Variants in IKZF1 observed in about 807,000 individuals in gnomAD.
IKZF1 encodes DNA-binding protein Ikaros.
In IKZF1, 10 loss-of-function variants were observed where a neutral mutation model predicts 51.7. The observed-to-expected ratio is 0.19, with a 90% CI of 0.12 to 0.33. IKZF1 has a LOEUF of 0.33. Among genes scored for constraint, IKZF1 ranks in the 10% least tolerant of loss-of-function variants. The probability of loss-of-function intolerance (pLI) is 1.00; values close to 1 mark genes in which losing one functional copy is unlikely to be tolerated. For missense variants in IKZF1, 484 were observed against 707.5 expected, an observed-to-expected ratio of 0.68 and a Z score of 3.58; for synonymous variants, 280 against 282.3, an observed-to-expected ratio of 0.99 and a Z score of 0.08.
intron 3 of IKZF1, among the ~76,000 whole-genome samples, chr7:50,338,727 G>C (rs1208740148): frequency 1.3e-5 from 2 of 152,238 alleles, no homozygotes; most frequent in African/African-American, 2.4e-5. Context: ...CTCTTGCTCT[G>C]GGGGAGTGGG....
chr7:50,320,427 T>C (rs1381952120), intron 2 of IKZF1, among the ~76,000 whole-genome samples: 1 of 152,226 alleles, frequency 6.6e-6, no homozygotes, highest in African/African-American at 2.4e-5. Context: ...TTATCGTTTC[T>C]TTGTATTAGG....
In IKZF1 at chr7:50,399,916, A is replaced by G; in HGVS notation, c.851-2A>G. 6.2e-7 allele frequency: 1 copy of G among 1,608,080 alleles called. No individual in the cohort carries two copies. Among genetic ancestry groups the G allele is most frequent in the Non-Finnish European group, 8.5e-7 (1 of 1,178,258 alleles). On this transcript the variant is annotated splice_acceptor_variant, in intron 7 of 7. Transcript: ENST00000331340. LOFTEE classifies it high-confidence loss of function. ...CCACTCACTGTCGCCTGCTTTCCACAGGGGACAAGGGCCTGTCCGACACGC... is the reference window on the plus strand; with the variant it reads ...CCACTCACTGTCGCCTGCTTTCCACGGGGGACAAGGGCCTGTCCGACACGC...
rs948480054 is a variant in IKZF1, at chr7:50,320,562, C to T, written c.40+1461C>T. On this transcript the variant is annotated intron_variant, in intron 2 of 7. Coordinates refer to ENST00000331340, the MANE Select transcript of IKZF1 (RefSeq NM_006060.6). The stretch of plus-strand genomic sequence containing the variant: ...CTAGCTGTAATTTTGTCTCCTTTAA[C>T]AAATCTCTCCCTATCTTCCACTCCC... Among the ~76,000 whole-genome samples the T allele has an allele frequency of 5.9e-5, 9 of 152,314 alleles. 1 individual carries two copies. The East Asian group carries it at 1.7e-3, about 29-fold the overall frequency.
chr7:50,360,564 C>G (rs1804897088), intron 3 of IKZF1, among the ~76,000 whole-genome samples: 1 of 152,218 alleles, frequency 6.6e-6, no homozygotes, highest in Non-Finnish European at 1.5e-5. Context: ...GCCGAACTCC[C>G]TTTTACACCG....
At chr7:50,343,740 A>G (rs746550824) in intron 3 of IKZF1, among the ~76,000 whole-genome samples, 1 of 152,244 alleles carries the variant, frequency 6.6e-6, no homozygotes, top group Non-Finnish European at 1.5e-5. Context: ...ACCAGCACAC[A>G]TGCCTGGAAG....
chr7:50,400,617 A>C lies in IKZF1; in HGVS notation c.1550A>C (p.His517Pro). ...ATAACGCGAGGGGAGCACCGCTTCC[A>C]CATGAGCTAAAGCCCTCCCGCGCCC... ...SHITRGEHRF[H>P]MS Residue 517 changes from histidine to proline, a missense_variant, in exon 8 of 8, where the codon CAC becomes CCC. Coordinates refer to ENST00000331340, the MANE Select transcript of IKZF1 (RefSeq NM_006060.6). This position sits in a 1 kb window ranked among gnomAD's most constrained non-coding sequence, Gnocchi z 5.4. 2 of 1,609,448 alleles carry C rather than the reference A, an allele frequency of 1.2e-6. No individual in the cohort carries two copies. Among genetic ancestry groups the C allele is most frequent in the Non-Finnish European group, 1.7e-6 (2 of 1,179,770 alleles).
chr7:50,327,071 A>T (rs1314114444), intron 2 of IKZF1, among the ~76,000 whole-genome samples: 1 of 152,224 alleles, frequency 6.6e-6, no homozygotes, highest in African/African-American at 2.4e-5. Context: ...GAACCTTAAA[A>T]ATATAGATGC....
intron 3 of IKZF1, among the ~76,000 whole-genome samples, chr7:50,348,442 A>C (rs1800944104): frequency 6.6e-6 from 1 of 152,182 alleles, no homozygotes; most frequent in East Asian, 1.9e-4. Context: ...GTTCAATGAG[A>C]AACAGTTATT....
chr7:50,400,153 C>G lies in IKZF1; in HGVS notation c.1086C>G (p.Asn362Lys), dbSNP rs564476264. The G allele has an allele frequency of 1.1e-5, 17 of 1,562,344 alleles. No individual in the cohort carries two copies. The highest frequency in any genetic ancestry group is 1.4e-5 in the Non-Finnish European group (16 of 1,155,090). ...KPLAEGTPRS[N>K]HSAQDSAVEN... ...TCGCGGAGGGCACCCCGCGCTCCAA[C>G]CACTCGGCCCAGGACAGCGCCGTGG... The change falls in exon 8 of 8, where the codon AAC becomes AAG. Residue 362 changes from asparagine (N) to lysine (K), a missense_variant. Asn to Lys is a moderately conservative substitution (Grantham distance 94, BLOSUM62 0). Transcript: ENST00000331340. The surrounding 1 kb of genome is among the most constrained non-coding windows in gnomAD (Gnocchi z 5.4).
intron 2 of IKZF1, among the ~76,000 whole-genome samples, chr7:50,321,710 A>G (rs1793380474): frequency 6.6e-6 from 1 of 152,166 alleles, no homozygotes; most frequent in Non-Finnish European, 1.5e-5. Context: ...GAATGTTTAT[A>G]TAAGGAATAG....
intron 7 of IKZF1, among the ~76,000 whole-genome samples, chr7:50,393,027 G>A (rs1475921396): frequency 6.6e-6 from 1 of 152,144 alleles, no homozygotes; most frequent in Admixed American, 6.5e-5. Context: ...CAGTCAGCAG[G>A]AAAGAAGCAC....
At chr7:50,373,394 A>G (rs1729935546) in intron 3 of IKZF1, among the ~76,000 whole-genome samples, 1 of 152,224 alleles carries the variant, frequency 6.6e-6, no homozygotes, top group Non-Finnish European at 1.5e-5. Context: ...CTAATAGGCC[A>G]TATGTGCCCA....
chr7:50,356,265 C>G (rs7806674), intron 3 of IKZF1, among the ~76,000 whole-genome samples: 87,815 of 152,074 alleles, frequency 0.58, 25,785 homozygotes, highest in African/African-American at 0.64. Flanking sequence ...AACAGAATGG[C>G]CTTCTAGAAC....
At chr7:50,346,467 A>C (rs1195621776) in intron 3 of IKZF1, among the ~76,000 whole-genome samples, 1 of 152,206 alleles carries the variant, frequency 6.6e-6, no homozygotes, top group Admixed American at 6.5e-5. Flanking sequence ...AGCTCTACAA[A>C]GCCCTCTAAA....
chr7:50,372,670 GA>G (rs1002679727), intron 3 of IKZF1, among the ~76,000 whole-genome samples: 17 of 152,202 alleles, frequency 1.1e-4, no homozygotes, highest in African/African-American at 3.9e-4. Context: ...ATATATTCCT[GA>G]GCTGATCATC....
chr7:50,342,615 A>G (rs946588154), intron 3 of IKZF1, among the ~76,000 whole-genome samples: 38,073 of 151,948 alleles, frequency 0.25, 6,238 homozygotes, highest in African/African-American at 0.48. Context: ...GCAACCTGAT[A>G]AAGCAACCGA....
intron 3 of IKZF1, among the ~76,000 whole-genome samples, chr7:50,341,366 C>T (rs1433406619): frequency 2.0e-5 from 3 of 152,140 alleles, no homozygotes; most frequent in Admixed American, 2.0e-4. Context: ...TGGTCTCGAA[C>T]TCCTGACTTC....
intron 7 of IKZF1, among the ~76,000 whole-genome samples, chr7:50,396,660 T>C (rs1233021734): frequency 1.3e-5 from 2 of 152,240 alleles, no homozygotes; most frequent in Non-Finnish European, 2.9e-5. Flanking sequence ...TATAGCTTGA[T>C]TGACATTTCA....
At chr7:50,371,853 G>A (rs559353169) in intron 3 of IKZF1, among the ~76,000 whole-genome samples, 1 of 152,330 alleles carries the variant, frequency 6.6e-6, no homozygotes, top group Non-Finnish European at 1.5e-5. Flanking sequence ...CCAGATTTCA[G>A]TGACTACAGG....
Sources: allele counts gnomAD v4.1 joint callset (sites outside exome capture counted in the v4.1 genomes callset), GRCh38; gene constraint gnomAD v4.1.1; non-coding constraint Gnocchi (gnomAD v3.1); transcripts MANE v1.5; gene names NCBI Gene and HGNC (gene_info 2026-07-23, HGNC 2026-07-21).